PHYKPL: variants seen among roughly 807,000 people sequenced by gnomAD.
PHYKPL encodes 5-phosphohydroxy-L-lysine phospho-lyase, also known as 5-phosphonooxy-L-lysine phospho-lyase.
A neutral mutation model predicts 51.3 loss-of-function variants in PHYKPL; 42 were observed. That is an observed-to-expected ratio of 0.82 (90% CI 0.64 to 1.06). The LOEUF (loss-of-function observed/expected upper bound fraction) is 1.06, where lower values mean the gene tolerates loss of function less well. PHYKPL is among the 50% of genes least tolerant of loss of function. The probability of loss-of-function intolerance (pLI) is 0.00; values close to 1 mark genes in which losing one functional copy is unlikely to be tolerated. For synonymous variants in PHYKPL, 264 were observed against 236.0 expected (o/e 1.12, Z -1.09); for missense variants, 655 against 586.6 (o/e 1.12, Z -1.20).
chr5:178,218,989 C>T (rs1358725786), intron 8 of PHYKPL, among the ~76,000 whole-genome samples: 2 of 152,136 alleles, frequency 1.3e-5, no homozygotes, highest in East Asian at 3.8e-4. Context: ...AAGGAAAACA[C>T]TGTAGTATGA....
intron 3 of PHYKPL, 189 bp downstream of exon 3, chr5:178,229,751 A>C (rs1018630225): frequency 1.7e-6 from 1 of 601,342 alleles, no homozygotes; most frequent in Non-Finnish European, 2.8e-6. Flanking sequence ...TCCTTCAATA[A>C]GAGACAAGGA....
chr5:178,210,620 C>T (rs949965260), intron 12 of PHYKPL: 12 of 1,613,356 alleles, frequency 7.4e-6, no homozygotes, highest in African/African-American at 1.3e-5. Context: ...ACAAGCCATA[C>T]TGAGGCGGCA....
chr5:178,231,527 T>C lies in PHYKPL; in HGVS notation c.60-4A>G, dbSNP rs1310786610. On this transcript the variant is annotated splice_region_variant and splice_polypyrimidine_tract_variant and intron_variant, in intron 1 of 12. Transcript: ENST00000308158. ...AAAAAAGAGTCTGCAGGAAGAGCTGTGGGGACAGGCAAGGAGTGGACAGCC... is the reference window on the plus strand; with the variant it reads ...AAAAAAGAGTCTGCAGGAAGAGCTGCGGGGACAGGCAAGGAGTGGACAGCC... The C allele has an allele frequency of 1.9e-6, 3 of 1,613,994 alleles. No individual in the cohort carries two copies. Among genetic ancestry groups the C allele is most frequent in the Non-Finnish European group, 2.5e-6 (3 of 1,180,008 alleles).
intron 8 of PHYKPL, 109 bp from the exon 9 acceptor site, chr5:178,215,539 A>G (rs1295517123): frequency 7.4e-6 from 10 of 1,355,530 alleles, no homozygotes; most frequent in Non-Finnish European, 9.9e-6. Flanking sequence ...CAGTGGCAAG[A>G]GCAGAGGCCC....
In PHYKPL at chr5:178,222,528, AG is replaced by A; in HGVS notation, c.753del (p.Phe252LeufsTer4). On this transcript the variant is annotated frameshift_variant, in exon 8 of 13. Coordinates refer to ENST00000308158, the MANE Select transcript of PHYKPL (RefSeq NM_153373.4). LOFTEE classifies it high-confidence loss of function. ...CAGAAGTGCTTGCCTACCCGGCCAA[AG>A]CCAACCTGGATCTCATCTGCAACAA... ...GVFVADEIQV[G>X]FGRVGKHFWA... The A allele has an allele frequency of 2.5e-6, 4 of 1,614,248 alleles. No homozygotes were observed. The highest frequency in any genetic ancestry group is 2.5e-6 in the Non-Finnish European group (3 of 1,180,042).
intron 3 of PHYKPL, chr5:178,229,739 C>A: frequency 3.6e-6 from 2 of 558,712 alleles, no homozygotes; most frequent in Non-Finnish European, 6.1e-6. Context: ...GAGGTAATAA[C>A]ATCCTTCAAT....
downstream of PHYKPL, among the ~76,000 whole-genome samples, chr5:178,207,691 C>CTTTTTTTTTTTTTTTTTTTT (rs34424574): frequency 1.3e-5 from 1 of 78,756 alleles, no homozygotes. Flanking sequence ...ACTTTGAGCA[C>CTTTTTTTTTTTTTTTTTTTT]TTTTTTTTTT....
intron 6 of PHYKPL, chr5:178,223,340 T>C (rs1041386155): frequency 8.7e-6 from 4 of 457,552 alleles, no homozygotes; most frequent in African/African-American, 4.0e-5. Flanking sequence ...CAGATTTGCC[T>C]GTTTCTTCCT....
chr5:178,229,089 G>A (rs61473059), intron 3 of PHYKPL, among the ~76,000 whole-genome samples: 4,339 of 148,134 alleles, frequency 0.029, 198 homozygotes, highest in African/African-American at 0.095. Flanking sequence ...CTTGACAAGA[G>A]TTTTGATGAG....
chr5:178,228,172 T>C (rs1762658210), intron 3 of PHYKPL: 1 of 248,850 alleles, frequency 4.0e-6, no homozygotes, highest in Non-Finnish European at 7.8e-6. Context: ...TGCTATGTAA[T>C]ACCAAGAGAA....
intron 12 of PHYKPL, 27 bp downstream of exon 12, chr5:178,211,863 C>T (rs1758550382): frequency 1.9e-6 from 3 of 1,544,950 alleles, no homozygotes; most frequent in East Asian, 4.5e-5. Context: ...TGTGCATCTT[C>T]AAGAGTAAGA....
rs747998906 is a variant in PHYKPL, at chr5:178,231,737, G to A, written c.60-214C>T. 13 of 1,523,636 alleles carry A rather than the reference G, an allele frequency of 8.5e-6. No homozygotes were observed. The South Asian group carries it at 1.1e-4, about 13-fold the overall frequency. The allele number at this position is 1,523,636 out of a possible 1,614,324, so 94.4% of individuals were successfully genotyped here. A position where few individuals can be genotyped will look rare whatever the true frequency, so the allele number is the denominator to read the frequency against. Reference sequence around the variant, plus strand: ...TGGGGTAACAAGTCGCTGAAACTTCGGATTGTTTCTGAAAGCATTTTCAGC... The same window carrying A: ...TGGGGTAACAAGTCGCTGAAACTTCAGATTGTTTCTGAAAGCATTTTCAGC... On this transcript the variant is annotated intron_variant, in intron 1 of 12. Coordinates refer to ENST00000308158, the MANE Select transcript of PHYKPL (RefSeq NM_153373.4).
At chr5:178,223,009 G>C (rs1362466015) in intron 6 of PHYKPL, 75 bp from the exon 7 acceptor site, 1 of 1,438,990 alleles carries the variant, frequency 6.9e-7, no homozygotes, top group Non-Finnish European at 9.7e-7. Context: ...TGCTAGTGCT[G>C]GCTTAGTCCA....
downstream of PHYKPL, chr5:178,207,289 G>A: frequency 6.3e-7 from 1 of 1,590,038 alleles, no homozygotes; most frequent in Non-Finnish European, 8.6e-7. Context: ...TAGAGGGATG[G>A]GTTAGGGGTT....
At chr5:178,212,454 G>GT (rs1561682199) in intron 11 of PHYKPL, among the ~76,000 whole-genome samples, 1 of 152,244 alleles carries the variant, frequency 6.6e-6, no homozygotes, top group East Asian at 1.9e-4. Flanking sequence ...AGATTTCCTT[G>GT]TAAGTGGATT....
At chr5:178,207,326 T>G, downstream of PHYKPL, 1 of 1,420,100 alleles carries the variant, frequency 7.0e-7, no homozygotes, top group Non-Finnish European at 9.6e-7. Context: ...CTCTCCAGGT[T>G]GGTCAGACTT....
intron 3 of PHYKPL, chr5:178,228,340 C>A: frequency 3.5e-6 from 2 of 573,400 alleles, no homozygotes. Flanking sequence ...AGATGACAGA[C>A]CACTTCCGGA....
Position 178,229,921 on chromosome 5 carries a change from C to T in PHYKPL, c.338+19G>A. On this transcript the variant is annotated intron_variant, in intron 3 of 12. Transcript: ENST00000308158. ...TACCGTCTCACCCTCTTCCCGGGGG[C>T]TGGCCACAGTCCACTTACCCAGAAT... 1 of 1,610,252 alleles carries T rather than the reference C, an allele frequency of 6.2e-7. No homozygotes were observed. The highest frequency in any genetic ancestry group is 8.5e-7 in the Non-Finnish European group (1 of 1,176,836).
At chr5:178,217,654 C>A (rs113805031) in intron 8 of PHYKPL, among the ~76,000 whole-genome samples, 51 of 150,612 alleles carry the variant, frequency 3.4e-4, no homozygotes, top group African/African-American at 1.2e-3. Flanking sequence ...GTCAGGAGAT[C>A]GAGACCATCC....
Sources: gnomAD v4.1 joint callset for allele counts (sites outside exome capture counted in the v4.1 genomes callset) on GRCh38, gnomAD v4.1.1 for gene constraint, MANE v1.5 for transcripts, NCBI Gene and HGNC (gene_info 2026-07-23, HGNC 2026-07-21) for gene names.